Variants in KBTBD12 observed in about 807,000 individuals in gnomAD.
The protein encoded by KBTBD12 is kelch repeat and BTB domain-containing protein 12.
Under a neutral mutation model 58.7 loss-of-function variants are expected in KBTBD12, and 53 were observed. That is an observed-to-expected ratio of 0.90 (90% CI 0.72 to 1.14). The LOEUF (loss-of-function observed/expected upper bound fraction) is 1.14, where lower values mean the gene tolerates loss of function less well. KBTBD12 is among the 50% of genes most tolerant of loss of function. The pLI is 0.00. For missense variants in KBTBD12, 704 were observed against 751.3 expected, an observed-to-expected ratio of 0.94 and a Z score of 0.74; for synonymous variants, 236 against 259.8, an observed-to-expected ratio of 0.91 and a Z score of 0.88.
chr3:127,963,051 T>A, intron 4 of KBTBD12, 138 bp from the exon 5 acceptor site: 1 of 685,904 alleles, frequency 1.5e-6, no homozygotes, highest in Non-Finnish European at 2.4e-6. Context: ...TTAGAACTTG[T>A]CTTCAAGGTA....
At chr3:127,924,193 A>G in intron 2 of KBTBD12, 62 bp downstream of exon 2, 1 of 1,022,424 alleles carries the variant, frequency 9.8e-7, no homozygotes, top group Non-Finnish European at 1.5e-6. Flanking sequence ...CAGTAGAAGA[A>G]AGAACTGCAA....
chr3:127,957,536 T>A (rs1314533823), intron 4 of KBTBD12, among the ~76,000 whole-genome samples: 1 of 152,226 alleles, frequency 6.6e-6, no homozygotes, highest in Non-Finnish European at 1.5e-5. Context: ...GATTCCTATA[T>A]TCTTAAGAAG....
intron 1 of KBTBD12, among the ~76,000 whole-genome samples, chr3:127,919,677 A>G (rs1939350290): frequency 6.6e-6 from 1 of 152,158 alleles, no homozygotes; most frequent in Admixed American, 6.5e-5. Context: ...TTCAGACTAG[A>G]TAAGGAGGTC....
chr3:127,958,391 G>T (rs1397688907), intron 4 of KBTBD12, among the ~76,000 whole-genome samples: 3 of 152,128 alleles, frequency 2.0e-5, no homozygotes, highest in Non-Finnish European at 4.4e-5. Flanking sequence ...TACTGGCCCA[G>T]GCTTTAGACC....
At chr3:127,973,372 C>A (rs1268208995) in intron 5 of KBTBD12, among the ~76,000 whole-genome samples, 2 of 151,792 alleles carry the variant, frequency 1.3e-5, no homozygotes, top group Non-Finnish European at 2.9e-5. Context: ...TGAAAGGAGA[C>A]CAGAGAGACA....
intron 4 of KBTBD12, among the ~76,000 whole-genome samples, chr3:127,955,254 T>C (rs1193381280): frequency 1.3e-5 from 2 of 152,224 alleles, no homozygotes; most frequent in East Asian, 1.9e-4. Flanking sequence ...ACATAGCTAA[T>C]GTCCCAAACT....
intron 5 of KBTBD12, among the ~76,000 whole-genome samples, chr3:127,977,789 T>C (rs7628512): frequency 6.6e-6 from 1 of 152,236 alleles, no homozygotes; most frequent in African/African-American, 2.4e-5. Flanking sequence ...TTGTTTACTC[T>C]GTCGATAGTT....
intron 4 of KBTBD12, among the ~76,000 whole-genome samples, chr3:127,956,732 G>A (rs545110867): frequency 6.6e-6 from 1 of 152,284 alleles, no homozygotes; most frequent in South Asian, 2.1e-4. Context: ...TAATGTTACA[G>A]AGGCAAAGAG....
intron 5 of KBTBD12, among the ~76,000 whole-genome samples, chr3:127,976,270 G>A (rs1342557167): frequency 6.6e-6 from 1 of 152,100 alleles, no homozygotes; most frequent in Non-Finnish European, 1.5e-5. Context: ...ACCTGGTAAT[G>A]TTCTTTTTGT....
intron 2 of KBTBD12, among the ~76,000 whole-genome samples, chr3:127,926,688 T>C (rs1476661619): frequency 1.3e-5 from 2 of 152,168 alleles, no homozygotes; most frequent in East Asian, 1.9e-4. Context: ...AACTGTGAGG[T>C]GTTAAATGCA....
At chr3:127,956,461 C>CAA (rs11367870) in intron 4 of KBTBD12, among the ~76,000 whole-genome samples, 2 of 104,358 alleles carry the variant, frequency 1.9e-5, no homozygotes, top group Non-Finnish European at 4.2e-5. Context: ...GTCTTATGGA[C>CAA]AAAAAAAAAA....
At chr3:127,962,375 C>G (rs2107609695) in intron 4 of KBTBD12, among the ~76,000 whole-genome samples, 1 of 152,332 alleles carries the variant, frequency 6.6e-6, no homozygotes, top group African/African-American at 2.4e-5. Flanking sequence ...GAGAGTTGTA[C>G]TTAAAGTCAT....
chr3:127,960,280 T>C (rs1940409632), intron 4 of KBTBD12, among the ~76,000 whole-genome samples: 1 of 152,180 alleles, frequency 6.6e-6, no homozygotes, highest in Admixed American at 6.5e-5. Flanking sequence ...GGAGTCTTTA[T>C]AGAAATGATA....
At chr3:127,948,640 G>A (rs765917948) in intron 4 of KBTBD12, among the ~76,000 whole-genome samples, 12 of 152,190 alleles carry the variant, frequency 7.9e-5, no homozygotes, top group Non-Finnish European at 1.6e-4. Context: ...TCAAAGTACA[G>A]ATGGCCCTCA....
chr3:127,974,349 G>A (rs960907651), intron 5 of KBTBD12, among the ~76,000 whole-genome samples: 16 of 152,148 alleles, frequency 1.1e-4, no homozygotes, highest in African/African-American at 3.9e-4. Context: ...TTCTGACTGT[G>A]TTCTTCCCAG....
Position 127,923,069 on chromosome 3 carries a change from G to A in KBTBD12, c.8G>A (p.Cys3Tyr), listed in dbSNP as rs1939457915. 1.9e-6 allele frequency: 3 copies of A among 1,595,530 alleles called. No individual in the cohort carries two copies. Among genetic ancestry groups the A allele is most frequent in the South Asian group, 2.2e-5 (2 of 90,160 alleles). Residue 3 changes from cysteine to tyrosine, a missense_variant, in exon 2 of 6, where the codon TGC (cysteine) becomes TAC (tyrosine). Cys to Tyr is a radical substitution (Grantham distance 194, BLOSUM62 -2). Coordinates refer to ENST00000405109, the MANE Select transcript of KBTBD12 (RefSeq NM_207335.4). ME[C>Y]KIEGKEKYQH... is the part of the protein sequence containing the mutation. ...AACTTTGGAGAGTAGATCATGGAGT[G>A]CAAGATTGAGGGAAAAGAAAAATAC...
At chr3:127,930,040 C>T (rs145327092) in intron 3 of KBTBD12, 93 bp from the exon 4 acceptor site, 307 of 1,153,846 alleles carry the variant, frequency 2.7e-4, no homozygotes, top group Middle Eastern at 1.2e-3. Context: ...CTCTATTTAT[C>T]TCCTTGGCTG....
chr3:127,958,463 C>T (rs905392730), intron 4 of KBTBD12, among the ~76,000 whole-genome samples: 1 of 152,126 alleles, frequency 6.6e-6, no homozygotes, highest in Admixed American at 6.5e-5. Flanking sequence ...AAAAGATGGG[C>T]CCAGGGTTTG....
intron 1 of KBTBD12, among the ~76,000 whole-genome samples, chr3:127,916,594 G>C (rs777326824): frequency 3.3e-5 from 5 of 151,774 alleles, no homozygotes; most frequent in Non-Finnish European, 7.4e-5. Flanking sequence ...CATTGTTGCC[G>C]CTTGGGAATT....
Sources: allele counts gnomAD v4.1 joint callset (sites outside exome capture counted in the v4.1 genomes callset), GRCh38; gene constraint gnomAD v4.1.1; transcripts MANE v1.5; gene names NCBI Gene and HGNC (gene_info 2026-07-23, HGNC 2026-07-21).